Variants in ZNF451 observed in about 807,000 individuals in gnomAD.
The protein encoded by ZNF451 is E3 SUMO-protein ligase ZNF451.
Under a neutral mutation model 107.1 loss-of-function variants are expected in ZNF451, and 80 were observed. The observed-to-expected ratio is 0.75, with a 90% CI of 0.62 to 0.90. ZNF451 has a LOEUF of 0.90. Among genes scored for constraint, ZNF451 ranks in the 40% least tolerant of loss-of-function variants. ZNF451 has a pLI of 0.00. For missense variants in ZNF451, 1,107 were observed against 1,236.2 expected (o/e 0.90, Z 1.57); for synonymous variants, 362 against 406.5 (o/e 0.89, Z 1.32).
intron 4 of ZNF451, among the ~76,000 whole-genome samples, chr6:57,127,991 A>G (rs1831010009): frequency 6.6e-6 from 1 of 152,160 alleles, no homozygotes; most frequent in South Asian, 2.1e-4. Flanking sequence ...TCCTGCTACA[A>G]TGGCACAGTT....
chr6:57,133,002 C>A lies in ZNF451; in HGVS notation c.425-40C>A, dbSNP rs150907815. 6.1e-4 allele frequency: 974 copies of A among 1,608,360 alleles called. 8 individuals are homozygous for A. The African/African-American group carries it at 0.012, about 20-fold the overall frequency. The stretch of plus-strand genomic sequence containing the variant: ...GATCACTAGCCCAAAGGATAAGTAT[C>A]TGAAATAATAACCTAAGAATTCATA... On this transcript the variant is annotated intron_variant, in intron 5 of 14. Coordinates refer to ENST00000370706, the MANE Select transcript of ZNF451 (RefSeq NM_001031623.3).
chr6:57,127,559 G>T (rs1830988136), intron 4 of ZNF451, among the ~76,000 whole-genome samples: 1 of 152,070 alleles, frequency 6.6e-6, no homozygotes, highest in African/African-American at 2.4e-5. Context: ...TTCTGACTCT[G>T]ATCCCTTTTG....
intron 11 of ZNF451, 117 bp from the exon 12 acceptor site, chr6:57,152,104 T>C: frequency 7.2e-6 from 6 of 838,672 alleles, no homozygotes; most frequent in South Asian, 4.7e-5. Flanking sequence ...TTCCACATTC[T>C]GATCTAGTAC....
chr6:57,147,385 A>G lies in ZNF451; in HGVS notation c.1300A>G (p.Lys434Glu), dbSNP rs1832119870. The G allele has an allele frequency of 1.9e-6, 3 of 1,614,152 alleles. No homozygotes were observed. The highest frequency in any genetic ancestry group is 2.5e-6 in the Non-Finnish European group (3 of 1,179,986). Residue 434 changes from lysine (K) to glutamate (E), a missense_variant, in exon 10 of 15, where the codon AAA (lysine) becomes GAA (glutamate). Physicochemically the swap from Lys to Glu is moderately conservative, Grantham distance 56. This residue lies in a region of ZNF451 where 608 missense variants were observed against 649.2 expected (regional missense o/e 0.94). Transcript: ENST00000370706. ...ATCACTTAAAAGAACCATGTCTATT[A>G]AAGAATCTAGCTCACTGGAGTGCAT... is the stretch of plus-strand genomic sequence containing the variant. The part of the protein sequence containing the change: ...FSSLKRTMSI[K>E]ESSSLECIAI...
intron 10 of ZNF451, among the ~76,000 whole-genome samples, chr6:57,149,785 G>A (rs1832260184): frequency 6.6e-6 from 1 of 151,920 alleles, no homozygotes; most frequent in Admixed American, 6.6e-5. Flanking sequence ...GTGAAACACT[G>A]GTTACACCAT....
chr6:57,126,126 G>GT (rs1350891436), intron 4 of ZNF451, among the ~76,000 whole-genome samples: 1 of 152,080 alleles, frequency 6.6e-6, no homozygotes, highest in African/African-American at 2.4e-5. Flanking sequence ...TGACAACTAA[G>GT]TTTTTTCTCA....
At position 57,148,455 on chromosome 6, in the gene ZNF451, G is replaced by GTGTGGCA. The variant is rs777605222; in HGVS notation, c.2371_2377dup (p.Thr793MetfsTer10). The GTGTGGCA allele has an allele frequency of 2.5e-6, 4 of 1,614,038 alleles. No homozygotes were observed. Among genetic ancestry groups the GTGTGGCA allele is most frequent in the Non-Finnish European group, 2.5e-6 (3 of 1,179,962 alleles). ...AGGAGGAGCAGCAGTATGTAATCAAGTGTGGCACCTGCACCAAAGCATTTC... is the reference window on the plus strand; with the variant it reads ...AGGAGGAGCAGCAGTATGTAATCAAGTGTGGCATGTGGCACCTGCACCAAAGCATTTC... On this transcript the variant is annotated frameshift_variant, in exon 10 of 15. Transcript: ENST00000370706. LOFTEE classifies it high-confidence loss of function.
chr6:57,101,706 A>C, intron 3 of ZNF451: 2 of 1,550,652 alleles, frequency 1.3e-6, no homozygotes, highest in Non-Finnish European at 1.7e-6. Flanking sequence ...GTATGGATGC[A>C]GGCCTTTGGC....
intron 7 of ZNF451, among the ~76,000 whole-genome samples, chr6:57,135,457 A>T (rs1003052163): frequency 1.8e-4 from 28 of 152,140 alleles, no homozygotes; most frequent in Non-Finnish European, 3.7e-4. Flanking sequence ...AAAAATTTTT[A>T]AAATATTAAC....
rs1829492235 is a variant in ZNF451, at chr6:57,099,625, C to G, written c.186+484C>G. On this transcript the variant is annotated intron_variant, in intron 3 of 14. Coordinates refer to ENST00000370706, the MANE Select transcript of ZNF451 (RefSeq NM_001031623.3). ...TTACTTCAGTCATCATCCCTTTAACCTTGTCTGTGCCCCACATATTTGGAG... is the reference window on the plus strand; with the variant it reads ...TTACTTCAGTCATCATCCCTTTAACGTTGTCTGTGCCCCACATATTTGGAG... The G allele has an allele frequency of 6.1e-6, 4 of 660,622 alleles. No homozygotes were observed. In the East Asian group the frequency reaches 1.1e-4, roughly 18 times the overall value. 40.9% of individuals were successfully genotyped at this position (660,622 alleles called of 1,614,324 possible). A position where few individuals can be genotyped will look rare whatever the true frequency, so the allele number is the denominator to read the frequency against.
chr6:57,154,084 G>A, intron 13 of ZNF451, 37 bp downstream of exon 13: 1 of 1,609,044 alleles, frequency 6.2e-7, no homozygotes, highest in Non-Finnish European at 8.5e-7. Context: ...CCACCCAAGA[G>A]GAGGAGACTT....
intron 14 of ZNF451, among the ~76,000 whole-genome samples, chr6:57,164,282 C>G (rs1306520567): frequency 1.3e-5 from 2 of 152,206 alleles, no homozygotes; most frequent in South Asian, 2.1e-4. Flanking sequence ...GGACAAGTCA[C>G]TTAACTTCAC....
chr6:57,103,151 A>G, intron 3 of ZNF451: 1 of 985,360 alleles, frequency 1.0e-6, no homozygotes, highest in Non-Finnish European at 1.2e-6. Flanking sequence ...CCTAAGACCA[A>G]GAATTCCAAA....
chr6:57,113,157 A>G (rs967767030), intron 3 of ZNF451, among the ~76,000 whole-genome samples: 2 of 152,076 alleles, frequency 1.3e-5, no homozygotes, highest in Non-Finnish European at 2.9e-5. Context: ...TCCCTCATTC[A>G]GGCCCAATGT....
At chr6:57,138,696 A>C (rs1831561992) in intron 7 of ZNF451, among the ~76,000 whole-genome samples, 1 of 123,548 alleles carries the variant, frequency 8.1e-6, no homozygotes, top group African/African-American at 3.0e-5. Context: ...ATGTATTTGC[A>C]GCTATGCCAT....
chr6:57,098,527 A>T (rs1287234127), intron 2 of ZNF451, among the ~76,000 whole-genome samples: 1 of 151,954 alleles, frequency 6.6e-6, no homozygotes, highest in Admixed American at 6.6e-5. Context: ...TCTTATTATT[A>T]TTTTTTATTT....
intron 5 of ZNF451, among the ~76,000 whole-genome samples, chr6:57,129,090 TTCATTTATA>T (rs1362466160): frequency 5.3e-5 from 8 of 152,196 alleles, no homozygotes; most frequent in African/African-American, 1.9e-4. Context: ...TACTCATTTA[TTCATTTATA>T]TATTTAATAG....
chr6:57,099,641 A>G (rs1488917873), intron 3 of ZNF451: 5 of 634,426 alleles, frequency 7.9e-6, no homozygotes, highest in African/African-American at 1.8e-5. Context: ...TGTGCCCCAC[A>G]TATTTGGAGT....
At chr6:57,135,780 T>C (rs1296146148) in intron 7 of ZNF451, among the ~76,000 whole-genome samples, 1 of 152,192 alleles carries the variant, frequency 6.6e-6, no homozygotes, top group South Asian at 2.1e-4. Flanking sequence ...ATATTAAATA[T>C]TCTGTTAACT....
Sources: gnomAD v4.1 joint callset for allele counts (sites outside exome capture counted in the v4.1 genomes callset) on GRCh38, gnomAD v4.1.1 for gene constraint, gnomAD v4.1.1 regional missense constraint, MANE v1.5 for transcripts, NCBI Gene and HGNC (gene_info 2026-07-23, HGNC 2026-07-21) for gene names.